Variants in ACYP2 observed in about 807,000 individuals in gnomAD.
ACYP2 encodes the protein acylphosphatase-2.
A neutral mutation model predicts 11.2 loss-of-function variants in ACYP2; 12 were observed. The observed-to-expected ratio is 1.08, with a 90% CI of 0.69 to 1.74. ACYP2 has a LOEUF of 1.74. ACYP2 is among the 40% of genes most tolerant of loss of function. ACYP2 has a pLI of 0.00. For missense variants in ACYP2, 134 were observed against 101.9 expected (o/e 1.31, Z -1.35); for synonymous variants, 43 against 32.2 (o/e 1.33, Z -1.13).
intron 2 of ACYP2, among the ~76,000 whole-genome samples, chr2:54,000,625 T>A (rs1573485901): frequency 6.6e-6 from 1 of 152,354 alleles, no homozygotes; most frequent in East Asian, 1.9e-4. Flanking sequence ...GTGACAGAGA[T>A]CTGATCACAC....
intron 6 of ACYP2, chr2:54,255,338 C>G (rs755366945): frequency 1.2e-6 from 2 of 1,614,054 alleles, no homozygotes; most frequent in Non-Finnish European, 1.7e-6. Flanking sequence ...CTTAACATCT[C>G]GGCATCTTGG....
chr2:54,022,961 A>C (rs527449005), intron 2 of ACYP2, among the ~76,000 whole-genome samples: 296 of 152,336 alleles, frequency 1.9e-3, no homozygotes, highest in Non-Finnish European at 3.1e-3. Flanking sequence ...CACAGGTTTA[A>C]CTGTTTCTTC....
At chr2:54,201,604 CTT>C (rs1368347000) in intron 6 of ACYP2, among the ~76,000 whole-genome samples, 887 of 83,822 alleles carry the variant, frequency 0.011, 19 homozygotes, top group African/African-American at 0.035. Context: ...CTCTTTCTTT[CTT>C]TCTTTCTTTC....
At chr2:53,985,985 A>G (rs917275416) in intron 2 of ACYP2, among the ~76,000 whole-genome samples, 1 of 152,042 alleles carries the variant, frequency 6.6e-6, no homozygotes, top group African/African-American at 2.4e-5. Context: ...AAATACAAAA[A>G]ATTAGCTGGG....
intron 2 of ACYP2, among the ~76,000 whole-genome samples, chr2:54,002,489 G>A (rs912338162): frequency 6.6e-6 from 1 of 151,516 alleles, no homozygotes; most frequent in Non-Finnish European, 1.5e-5. Flanking sequence ...GGGATTATAA[G>A]TGCACACCAC....
intron 6 of ACYP2, among the ~76,000 whole-genome samples, chr2:54,214,381 G>T (rs1341318907): frequency 6.6e-6 from 1 of 152,092 alleles, no homozygotes; most frequent in African/African-American, 2.4e-5. Flanking sequence ...TACATTTCAC[G>T]TTTAAGTCTT....
chr2:54,292,781 TAAATA>T (rs746491871), intron 6 of ACYP2, among the ~76,000 whole-genome samples: 120 of 152,250 alleles, frequency 7.9e-4, no homozygotes, highest in Non-Finnish European at 1.4e-3. Context: ...ATTAATGTAT[TAAATA>T]AAATATTTGT....
chr2:54,098,287 C>G lies in ACYP2; in HGVS notation c.278-37166C>G, dbSNP rs192207577. On this transcript the variant is annotated intron_variant, in intron 4 of 6. Transcript: ENST00000607452. ...CCTGGCCACAATTTCTTAACATCATCTTATATCCAGTTCATTATTAAATTT... is the reference window on the plus strand; with the variant it reads ...CCTGGCCACAATTTCTTAACATCATGTTATATCCAGTTCATTATTAAATTT... Among the ~76,000 whole-genome samples the G allele has an allele frequency of 7.9e-5, 12 of 152,216 alleles. No individual in the cohort carries two copies. In the East Asian group the frequency reaches 2.3e-3, roughly 29 times the overall value.
intron 6 of ACYP2, among the ~76,000 whole-genome samples, chr2:54,220,869 T>C (rs1317738151): frequency 3.9e-5 from 6 of 152,228 alleles, no homozygotes; most frequent in Non-Finnish European, 8.8e-5. Flanking sequence ...TATGTAAAAA[T>C]GTAGATGTAG....
intron 5 of ACYP2, among the ~76,000 whole-genome samples, chr2:54,136,737 A>C (rs1265623705): frequency 6.6e-6 from 1 of 152,156 alleles, no homozygotes; most frequent in African/African-American, 2.4e-5. Context: ...GCACTTTGGG[A>C]GGCTGAGGCA....
At chr2:54,220,269 A>G (rs2103948569) in intron 6 of ACYP2, among the ~76,000 whole-genome samples, 1 of 152,212 alleles carries the variant, frequency 6.6e-6, no homozygotes, top group Non-Finnish European at 1.5e-5. Flanking sequence ...TTAATACCCA[A>G]CTGTAATCTT....
chr2:54,245,403 T>C (rs935851430), intron 6 of ACYP2, among the ~76,000 whole-genome samples: 1 of 152,162 alleles, frequency 6.6e-6, no homozygotes, highest in Non-Finnish European at 1.5e-5. Flanking sequence ...TGCTGAGTAG[T>C]GGGATTGTTG....
At chr2:54,297,034 A>G (rs779925152) in intron 6 of ACYP2, among the ~76,000 whole-genome samples, 3 of 152,132 alleles carry the variant, frequency 2.0e-5, no homozygotes, top group African/African-American at 4.8e-5. Context: ...TGAGTAAGCT[A>G]AACTAATAGG....
At chr2:54,091,521 A>G (rs1678230839) in intron 4 of ACYP2, among the ~76,000 whole-genome samples, 1 of 150,216 alleles carries the variant, frequency 6.7e-6, no homozygotes, top group African/African-American at 2.5e-5. Context: ...TTATTTATTT[A>G]TTTATTTATT....
chr2:54,294,522 C>G (rs1573065570), intron 6 of ACYP2, among the ~76,000 whole-genome samples: 1 of 152,054 alleles, frequency 6.6e-6, no homozygotes, highest in Non-Finnish European at 1.5e-5. Flanking sequence ...ACATATGCCC[C>G]CAACCATTGC....
In ACYP2 at chr2:54,086,082, T is replaced by C. The variant is rs566595548; in HGVS notation, c.277+28722T>C. The stretch of plus-strand genomic sequence containing the variant: ...ACCCAGCCTCCAGAGTAGCTGGGAT[T>C]ACAGGTGTGCACCATCAGGCCTGGC... On this transcript the variant is annotated intron_variant, in intron 4 of 6. Coordinates refer to ENST00000607452, the MANE Select transcript of ACYP2 (RefSeq NM_001320586.2). Among the ~76,000 whole-genome samples the C allele has an allele frequency of 4.6e-5, 7 of 152,252 alleles. No homozygotes were observed. The East Asian group carries it at 1.3e-3, about 29-fold the overall frequency.
intron 6 of ACYP2, among the ~76,000 whole-genome samples, chr2:54,238,656 T>C (rs1242234007): frequency 1.3e-5 from 2 of 152,086 alleles, no homozygotes; most frequent in Non-Finnish European, 2.9e-5. Flanking sequence ...AGTTTAGGCA[T>C]ATGGTCCACA....
intron 3 of ACYP2, among the ~76,000 whole-genome samples, chr2:54,052,522 G>A (rs539648634): frequency 6.6e-6 from 1 of 152,214 alleles, no homozygotes; most frequent in African/African-American, 2.4e-5. Flanking sequence ...CTCTGTTGCA[G>A]CTTATAAGAA....
intron 4 of ACYP2, among the ~76,000 whole-genome samples, chr2:54,064,457 G>T (rs1676633105): frequency 9.9e-6 from 1 of 101,434 alleles, no homozygotes; most frequent in Non-Finnish European, 2.0e-5. Context: ...AGCTGCTGGG[G>T]GCCATATCTT....
Sources: gnomAD v4.1 joint callset for allele counts (sites outside exome capture counted in the v4.1 genomes callset) on GRCh38, gnomAD v4.1.1 for gene constraint, MANE v1.5 for transcripts, NCBI Gene and HGNC (gene_info 2026-07-23, HGNC 2026-07-21) for gene names.